The following STAMBPL1 variants were observed in gnomAD, a reference collection of about 807,000 sequenced individuals.
STAMBPL1 encodes the protein STAM binding protein like 1.
Under a neutral mutation model 52.9 loss-of-function variants are expected in STAMBPL1, and 44 were observed. The ratio of observed to expected loss-of-function variants is 0.83; its 90% CI spans 0.65 to 1.07. The LOEUF (loss-of-function observed/expected upper bound fraction) is 1.07. Ranked by LOEUF, STAMBPL1 falls within the 50% of genes least tolerant of loss-of-function variation. STAMBPL1 has a pLI of 0.00. For synonymous variants in STAMBPL1, 164 were observed against 177.3 expected (o/e 0.92, Z 0.60); for missense variants, 511 against 520.8 (o/e 0.98, Z 0.18).
intron 1 of STAMBPL1, among the ~76,000 whole-genome samples, chr10:88,899,282 T>C (rs1844886294): frequency 6.6e-6 from 1 of 152,202 alleles, no homozygotes; most frequent in Non-Finnish European, 1.5e-5. Context: ...ACCTCATGTA[T>C]TGGAATGACT....
intron 4 of STAMBPL1, among the ~76,000 whole-genome samples, chr10:88,910,402 C>T (rs1470062921): frequency 6.6e-6 from 1 of 152,190 alleles, no homozygotes; most frequent in Non-Finnish European, 1.5e-5. Flanking sequence ...TCCCAGACCC[C>T]TTCTCTACAG....
At chr10:88,890,684 A>G (rs1457150329) in intron 1 of STAMBPL1, among the ~76,000 whole-genome samples, 1 of 152,258 alleles carries the variant, frequency 6.6e-6, no homozygotes, top group Admixed American at 6.5e-5. Context: ...AGTCAGAAGC[A>G]TCACCATCTC....
In STAMBPL1 at chr10:88,899,698, C is replaced by T. The variant is rs143916324; in HGVS notation, c.-53-1958C>T. ...CTAATTTTTGTATTTTCAGTAGAGA[C>T]GGAGTTTCACCACGTTGCCCAGACT... On this transcript the variant is annotated intron_variant, in intron 1 of 10. Transcript: ENST00000371926. Among the ~76,000 whole-genome samples, 1,376 of 151,930 alleles carry T rather than the reference C, an allele frequency of 9.1e-3. 36 individuals carry two copies. The East Asian group carries it at 0.11, about 12-fold the overall frequency.
chr10:88,894,596 C>T (rs1844767021), intron 1 of STAMBPL1, among the ~76,000 whole-genome samples: 1 of 152,170 alleles, frequency 6.6e-6, no homozygotes, highest in African/African-American at 2.4e-5. Context: ...TGTAAATAAT[C>T]TCAAATAATT....
intron 3 of STAMBPL1, among the ~76,000 whole-genome samples, chr10:88,906,620 T>C (rs1259562658): frequency 6.6e-6 from 1 of 152,206 alleles, no homozygotes; most frequent in Admixed American, 6.5e-5. Flanking sequence ...ACAGACCTTT[T>C]ATTGAGACAG....
intron 3 of STAMBPL1, among the ~76,000 whole-genome samples, chr10:88,906,513 A>G (rs1450033433): frequency 6.6e-6 from 1 of 152,232 alleles, no homozygotes; most frequent in Non-Finnish European, 1.5e-5. Flanking sequence ...TTGACAAATA[A>G]AAATTATATG....
In STAMBPL1 at chr10:88,905,910, A is replaced by G. The variant is rs1481181610; in HGVS notation, c.248+250A>G. Among the ~76,000 whole-genome samples the G allele has an allele frequency of 4.6e-5, 7 of 152,320 alleles. No individual in the cohort carries two copies. The East Asian group carries it at 1.3e-3, about 29-fold the overall frequency. On this transcript the variant is annotated intron_variant, in intron 3 of 10. Coordinates refer to ENST00000371926, the MANE Select transcript of STAMBPL1 (RefSeq NM_020799.4). The stretch of plus-strand genomic sequence containing the variant: ...ATCAGATTTCCTTTCCAAGGCCAGC[A>G]TAGTAATCTATTTAATACATGTTTC...
At chr10:88,885,387 T>C (rs1167081817) in intron 1 of STAMBPL1, among the ~76,000 whole-genome samples, 1 of 152,250 alleles carries the variant, frequency 6.6e-6, no homozygotes, top group Non-Finnish European at 1.5e-5. Flanking sequence ...GTAATGTTTT[T>C]ATTAAGTTCT....
chr10:88,881,385 A>T (rs1250284399), intron 1 of STAMBPL1, among the ~76,000 whole-genome samples: 2 of 148,802 alleles, frequency 1.3e-5, no homozygotes, highest in African/African-American at 5.1e-5. Context: ...TAGAGGTTTG[A>T]AAAAAAAAAT....
chr10:88,905,500 G>A lies in STAMBPL1; in HGVS notation c.88G>A (p.Val30Ile), dbSNP rs375222641. The A allele has an allele frequency of 6.2e-7, 1 of 1,613,998 alleles. No individual in the cohort carries two copies. The highest frequency in any genetic ancestry group is 1.3e-5 in the African/African-American group (1 of 74,916). ...TGTTTCCCTAAGCCCAGAAGAGCGAGTCCGTGCCCTAAGCAAGCTTGGTTG... is the reference window on the plus strand; with the variant it reads ...TGTTTCCCTAAGCCCAGAAGAGCGAATCCGTGCCCTAAGCAAGCTTGGTTG... Reference protein sequence around the residue: ...TDVSLSPEERVRALSKLGCNI... With the variant: ...TDVSLSPEERIRALSKLGCNI... The change falls in exon 3 of 11, where the codon GTC becomes ATC. Residue 30 changes from valine (V) to isoleucine (I), a missense_variant. By Grantham distance (29) the Val-to-Ile change is conservative. Transcript: ENST00000371926.
chr10:88,881,709 C>T (rs1252960466), intron 1 of STAMBPL1, among the ~76,000 whole-genome samples: 1 of 152,100 alleles, frequency 6.6e-6, no homozygotes, highest in African/African-American at 2.4e-5. Flanking sequence ...TAGGTTTTGA[C>T]GGTTGTTTTA....
At chr10:88,890,653 A>G (rs1037256234) in intron 1 of STAMBPL1, among the ~76,000 whole-genome samples, 11 of 152,368 alleles carry the variant, frequency 7.2e-5, no homozygotes, top group East Asian at 3.8e-4. Context: ...GAAAGAGACA[A>G]TTCTTCACCT....
In STAMBPL1 at chr10:88,916,952, G is replaced by C. The variant is rs537984730; in HGVS notation, c.1041+135G>C. 15 of 917,758 alleles carry C rather than the reference G, an allele frequency of 1.6e-5. No homozygotes were observed. The East Asian group carries it at 2.6e-4, about 16-fold the overall frequency. The allele number at this position is 917,758 out of a possible 1,614,324, so 56.9% of individuals were successfully genotyped here. On this transcript the variant is annotated intron_variant, in intron 8 of 10. Transcript: ENST00000371926. Reference sequence around the variant, plus strand: ...AAATGTAATAAAGGTTGTCATTTAAGTAGTGGTTCTCAAGCAAAGAGAAAA... The same window carrying C: ...AAATGTAATAAAGGTTGTCATTTAACTAGTGGTTCTCAAGCAAAGAGAAAA...
At chr10:88,912,677 T>C (rs1249403310) in intron 5 of STAMBPL1, 1 of 161,520 alleles carries the variant, frequency 6.2e-6, no homozygotes, top group Non-Finnish European at 1.3e-5. Flanking sequence ...GTCCCTGAGG[T>C]ACTGAATTTC....
intron 1 of STAMBPL1, among the ~76,000 whole-genome samples, chr10:88,887,358 T>A (rs1410576926): frequency 6.6e-6 from 1 of 152,170 alleles, no homozygotes; most frequent in Non-Finnish European, 1.5e-5. Flanking sequence ...GAAATATAAC[T>A]ATCATATTCT....
intron 2 of STAMBPL1, among the ~76,000 whole-genome samples, chr10:88,904,910 G>GT (rs1845034199): frequency 6.6e-6 from 1 of 151,580 alleles, no homozygotes; most frequent in Non-Finnish European, 1.5e-5. Flanking sequence ...TTACTTGTGG[G>GT]TTGTTTTTTT....
intron 1 of STAMBPL1, among the ~76,000 whole-genome samples, chr10:88,895,101 G>C (rs1297050550): frequency 1.3e-5 from 2 of 152,156 alleles, no homozygotes; most frequent in Non-Finnish European, 2.9e-5. Context: ...TTCCACCCTT[G>C]GGTTCTGCCA....
Position 88,923,478 on chromosome 10 carries a change from CT to C in STAMBPL1, c.*255del, listed in dbSNP as rs1845566538. 9 of 1,195,692 alleles carry C rather than the reference CT, an allele frequency of 7.5e-6. No individual in the cohort carries two copies. Among genetic ancestry groups the C allele is most frequent in the Non-Finnish European group, 9.3e-6 (9 of 964,898 alleles). 74.1% of individuals were successfully genotyped at this position (1,195,692 alleles called of 1,614,324 possible). On this transcript the variant is annotated 3_prime_UTR_variant, in exon 11 of 11. Coordinates refer to ENST00000371926, the MANE Select transcript of STAMBPL1 (RefSeq NM_020799.4). ...TACTATGGCCAGATAATAAATTGTGCTGCAAACAACATGTCTTGTATTTATA... is the reference window on the plus strand; with the variant it reads ...TACTATGGCCAGATAATAAATTGTGCGCAAACAACATGTCTTGTATTTATA...
At chr10:88,915,486 G>A (rs1845345508) in intron 7 of STAMBPL1, among the ~76,000 whole-genome samples, 1 of 152,200 alleles carries the variant, frequency 6.6e-6, no homozygotes, top group African/African-American at 2.4e-5. Context: ...GGCATCTATA[G>A]TCGCCTCTGT....
Sources: gnomAD v4.1 joint callset for allele counts (sites outside exome capture counted in the v4.1 genomes callset) on GRCh38, gnomAD v4.1.1 for gene constraint, MANE v1.5 for transcripts, NCBI Gene and HGNC (gene_info 2026-07-23, HGNC 2026-07-21) for gene names.